The following GLDC variants were observed in gnomAD, a reference collection of about 807,000 sequenced individuals.
GLDC encodes glycine decarboxylase.
In GLDC, 104 loss-of-function variants were observed where a neutral mutation model predicts 121.3. The observed-to-expected ratio is 0.86, with a 90% CI of 0.73 to 1.01. GLDC has a LOEUF of 1.01. GLDC is among the 50% of genes least tolerant of loss of function. The pLI is 0.00. For missense variants in GLDC, 1,429 were observed against 1,306.6 expected, an observed-to-expected ratio of 1.09 and a Z score of -1.44; for synonymous variants, 546 against 480.6, an observed-to-expected ratio of 1.14 and a Z score of -1.78.
At chr9:6,535,807 CAG>C (rs1817114711) in intron 23 of GLDC, 2 of 511,354 alleles carry the variant, frequency 3.9e-6, no homozygotes, top group African/African-American at 1.9e-5. Context: ...GTACATCAAA[CAG>C]AGATGCAGAA....
At chr9:6,620,353 G>A in intron 2 of GLDC, 34 bp from the exon 3 acceptor site, 2 of 1,593,164 alleles carry the variant, frequency 1.3e-6, no homozygotes, top group Non-Finnish European at 1.7e-6. Context: ...GTTACAGACA[G>A]ATGTCTCAGA....
Position 6,553,415 on chromosome 9 carries a change from G to A in GLDC, c.2410C>T (p.Pro804Ser), listed in dbSNP as rs2129714808. ...ACPVGTVSAA[P>S]WGSSSILPIS... is the part of the protein sequence containing the mutation. ...GGCAAGATGGAACTGGAGCCCCATG[G>A]GGCCGCACTGACGGTTCCCACAGGA... The change falls in exon 20 of 25, where the codon CCA becomes TCA. Residue 804 changes from proline to serine, a missense_variant. Transcript: ENST00000321612. 1 of 1,613,888 alleles carries A rather than the reference G, an allele frequency of 6.2e-7. No homozygotes were observed. Among genetic ancestry groups the A allele is most frequent in the Non-Finnish European group, 8.5e-7 (1 of 1,179,798 alleles).
At chr9:6,566,619 T>C (rs1310295450) in intron 15 of GLDC, 2 of 152,132 alleles carry the variant, frequency 1.3e-5, no homozygotes, top group African/African-American at 4.8e-5. Flanking sequence ...AACATTCCGG[T>C]GAGCAATGCT....
In GLDC at chr9:6,592,988, G is replaced by T. The variant is rs1554647026; in HGVS notation, c.1264C>A (p.Leu422Ile). 5.0e-6 allele frequency: 8 copies of T among 1,614,120 alleles called. No individual in the cohort carries two copies. The highest frequency in any genetic ancestry group is 6.8e-6 in the Non-Finnish European group (8 of 1,179,986). Reference sequence around the variant, plus strand: ...TGGAGTTGATGCCCTGCTCGCTTGAGACCTACACAAGATAGGAGATCCCCC... The same window carrying T: ...TGGAGTTGATGCCCTGCTCGCTTGATACCTACACAAGATAGGAGATCCCCC... ...HNATLILSEG[L>I]KRAGHQLQHD... The change falls in exon 10 of 25, where the codon CTC (leucine) becomes ATC (isoleucine). Residue 422 changes from leucine to isoleucine, a missense_variant and splice_region_variant. Leu to Ile is a conservative substitution (Grantham distance 5). Transcript: ENST00000321612.
chr9:6,551,754 T>A (rs907614458), intron 20 of GLDC, among the ~76,000 whole-genome samples: 1 of 151,826 alleles, frequency 6.6e-6, no homozygotes, highest in East Asian at 1.9e-4. Flanking sequence ...GTGAGAAGAA[T>A]GGCAGAAATG....
At chr9:6,605,673 G>A (rs1047128948) in intron 5 of GLDC, among the ~76,000 whole-genome samples, 13 of 152,334 alleles carry the variant, frequency 8.5e-5, no homozygotes, top group African/African-American at 3.1e-4. Context: ...AACTTCCTTA[G>A]ATTCCTGAAC....
chr9:6,589,391 T>C (rs1429818796), intron 11 of GLDC, 99 bp from the exon 12 acceptor site: 1 of 675,398 alleles, frequency 1.5e-6, no homozygotes, highest in Admixed American at 2.5e-5. Context: ...GCACTCAAAA[T>C]GGATCAAATA....
chr9:6,625,565 G>C (rs1819218117), intron 2 of GLDC, among the ~76,000 whole-genome samples: 7 of 152,130 alleles, frequency 4.6e-5, no homozygotes, highest in Admixed American at 4.6e-4. Flanking sequence ...AGACACAATA[G>C]GATTAGAGGG....
intron 8 of GLDC, among the ~76,000 whole-genome samples, chr9:6,597,742 C>T (rs1041611135): frequency 6.6e-6 from 1 of 152,044 alleles, no homozygotes; most frequent in Non-Finnish European, 1.5e-5. Context: ...CGAGACCATC[C>T]TGGCTAACAT....
intron 2 of GLDC, among the ~76,000 whole-genome samples, chr9:6,626,136 AT>A (rs1819232661): frequency 6.6e-6 from 1 of 151,278 alleles, no homozygotes; most frequent in Non-Finnish European, 1.5e-5. Flanking sequence ...ACTATGGTTT[AT>A]TTTCCACTCC....
chr9:6,607,824 A>AT (rs970061650), intron 4 of GLDC, among the ~76,000 whole-genome samples: 18 of 151,620 alleles, frequency 1.2e-4, no homozygotes, highest in Non-Finnish European at 4.4e-5. Context: ...CAATTTTTGT[A>AT]TTAAAAAAAT....
Position 6,586,624 on chromosome 9 carries a change from G to C in GLDC, c.1850+517C>G, listed in dbSNP as rs56223343. Among the ~76,000 whole-genome samples, 1,143 of 152,300 alleles carry C rather than the reference G, an allele frequency of 7.5e-3. 7 individuals carry two copies. Among genetic ancestry groups the C allele is most frequent in the Middle Eastern group, 0.017 (5 of 294 alleles). On this transcript the variant is annotated intron_variant, in intron 15 of 24. Coordinates refer to ENST00000321612, the MANE Select transcript of GLDC (RefSeq NM_000170.3). ...ATCCTTCTTCTTATGCTGTGTCACT[G>C]ACAGGTGTAGTAAGCTAGCTTCCAA...
chr9:6,630,445 G>A (rs1413660869), intron 2 of GLDC, among the ~76,000 whole-genome samples: 1 of 152,002 alleles, frequency 6.6e-6, no homozygotes, highest in Non-Finnish European at 1.5e-5. Context: ...CACTAACCGC[G>A]TCAGAGCCTC....
chr9:6,634,148 A>G (rs1819450621), intron 2 of GLDC, among the ~76,000 whole-genome samples: 1 of 151,934 alleles, frequency 6.6e-6, no homozygotes, highest in Non-Finnish European at 1.5e-5. Flanking sequence ...AGAATCTTGA[A>G]TCTGGGAGGT....
chr9:6,602,179 C>A lies in GLDC; in HGVS notation c.1085G>T (p.Arg362Leu). 1 of 1,612,094 alleles carries A rather than the reference C, an allele frequency of 6.2e-7. No homozygotes were observed. Among genetic ancestry groups the A allele is most frequent in the Non-Finnish European group, 8.5e-7 (1 of 1,178,384 alleles). The part of the protein sequence containing the change: ...TRDATGKEVY[R>L]LALQTREQHI... ...TTGCTCCCTGGTTTGAAGAGCAAGA[C>A]GATACACTTCTTTCCCAGTGGCATC... Residue 362 changes from arginine to leucine, a missense_variant, in exon 8 of 25, where the codon CGT becomes CTT. Transcript: ENST00000321612.
chr9:6,617,353 G>C (rs564750526), intron 3 of GLDC, among the ~76,000 whole-genome samples: 4 of 152,026 alleles, frequency 2.6e-5, no homozygotes, highest in Non-Finnish European at 5.9e-5. Flanking sequence ...ATTAACATCC[G>C]CCCACAGCCA....
chr9:6,644,571 G>C lies in GLDC; in HGVS notation c.334+43C>G. On this transcript the variant is annotated intron_variant, in intron 2 of 24. Transcript: ENST00000321612. Reference sequence around the variant, plus strand: ...TCAGGGAACCACAAAAGACAAATAGGCCAGAATAATCTAAGTCCAAGGGAG... The same window carrying C: ...TCAGGGAACCACAAAAGACAAATAGCCCAGAATAATCTAAGTCCAAGGGAG... 3.1e-6 allele frequency: 4 copies of C among 1,294,316 alleles called. No homozygotes were observed. The South Asian group carries it at 4.7e-5, about 15-fold the overall frequency. The allele number at this position is 1,294,316 out of a possible 1,614,324, so 80.2% of individuals were successfully genotyped here.
chr9:6,561,092 A>C lies in GLDC; in HGVS notation c.1927-2408T>G, dbSNP rs1187989335. On this transcript the variant is annotated intron_variant, in intron 16 of 24. Transcript: ENST00000321612. ...TCTACCAACACTTTGACTTTAGCCCAGTGAAACCAATTTCTGACACCTGGC... is the reference window on the plus strand; with the variant it reads ...TCTACCAACACTTTGACTTTAGCCCCGTGAAACCAATTTCTGACACCTGGC... Among the ~76,000 whole-genome samples the C allele has an allele frequency of 2.6e-5, 4 of 152,354 alleles. No homozygotes were observed. In the East Asian group the frequency reaches 7.7e-4, roughly 29 times the overall value.
At chr9:6,588,828 A>C (rs1056172659) in intron 12 of GLDC, 126 bp from the exon 13 acceptor site, 1 of 727,238 alleles carries the variant, frequency 1.4e-6, no homozygotes. Flanking sequence ...CACGGACAAT[A>C]TGTCAACTAC....
Sources: allele counts gnomAD v4.1 joint callset (sites outside exome capture counted in the v4.1 genomes callset), GRCh38; gene constraint gnomAD v4.1.1; transcripts MANE v1.5; gene names NCBI Gene and HGNC (gene_info 2026-07-23, HGNC 2026-07-21).